PTPRD: variants seen among roughly 807,000 people sequenced by gnomAD.
The protein encoded by PTPRD is receptor-type tyrosine-protein phosphatase delta.
PTPRD carries 34 observed loss-of-function variants against 214.5 expected under a neutral mutation model. The ratio of observed to expected loss-of-function variants is 0.16; its 90% CI spans 0.12 to 0.21. PTPRD has a LOEUF of 0.21. PTPRD is among the 10% of genes least tolerant of loss of function. PTPRD has a pLI of 1.00. For missense variants in PTPRD, 2,545 were observed against 2,398.7 expected, an observed-to-expected ratio of 1.06 and a Z score of -1.27; for synonymous variants, 1,128 against 845.7, an observed-to-expected ratio of 1.33 and a Z score of -5.79.
In PTPRD at chr9:8,626,389, G is replaced by A. The variant is rs144771306; in HGVS notation, c.352+6928C>T. ...TTTATCTCCTTAGCCAATGAGTCAC[G>A]TCCCAACCTCATTTTCTTTTACTAC... is the stretch of plus-strand genomic sequence containing the variant. On this transcript the variant is annotated intron_variant, in intron 14 of 45. Transcript: ENST00000381196. Among the ~76,000 whole-genome samples the A allele has an allele frequency of 2.9e-3, 435 of 151,776 alleles. 5 individuals are homozygous for A. Among genetic ancestry groups the A allele is most frequent in the Admixed American group, 0.025 (382 of 15,224 alleles).
chr9:9,880,731 T>A (rs2068409583), intron 5 of PTPRD, among the ~76,000 whole-genome samples: 1 of 152,154 alleles, frequency 6.6e-6, no homozygotes, highest in African/African-American at 2.4e-5. Context: ...AAAGATCTTT[T>A]TAAGCAGATG....
At chr9:9,820,753 G>A (rs1315461731) in intron 5 of PTPRD, among the ~76,000 whole-genome samples, 3 of 152,040 alleles carry the variant, frequency 2.0e-5, no homozygotes, top group East Asian at 1.9e-4. Context: ...CTTCCCCATT[G>A]CTTATTTTTG....
At chr9:9,647,219 T>A (rs997402955) in intron 7 of PTPRD, among the ~76,000 whole-genome samples, 1 of 152,200 alleles carries the variant, frequency 6.6e-6, no homozygotes, top group African/African-American at 2.4e-5. Context: ...TTCTCAAATG[T>A]GCCAGTTGTT....
intron 11 of PTPRD, among the ~76,000 whole-genome samples, chr9:8,918,350 C>T (rs751662570): frequency 6.6e-6 from 1 of 152,114 alleles, no homozygotes; most frequent in African/African-American, 2.4e-5. Context: ...TGGAAGTACA[C>T]AATGAATTGT....
intron 9 of PTPRD, among the ~76,000 whole-genome samples, chr9:9,235,200 T>C (rs4742569): frequency 0.2 from 31,018 of 151,970 alleles, 3,798 homozygotes; most frequent in Middle Eastern, 0.33. Context: ...TCATATCTTA[T>C]GCAAACCCAG....
intron 7 of PTPRD, among the ~76,000 whole-genome samples, chr9:9,727,623 A>G (rs1014193007): frequency 6.6e-6 from 1 of 152,178 alleles, no homozygotes; most frequent in Non-Finnish European, 1.5e-5. Flanking sequence ...TAACAAATGC[A>G]TAAGTCCTAT....
At chr9:8,775,715 G>A (rs1243078975) in intron 11 of PTPRD, among the ~76,000 whole-genome samples, 1 of 152,134 alleles carries the variant, frequency 6.6e-6, no homozygotes, top group Non-Finnish European at 1.5e-5. Flanking sequence ...TGGGCATGGT[G>A]GCTCACACCT....
At chr9:9,323,341 A>G (rs535843458) in intron 9 of PTPRD, among the ~76,000 whole-genome samples, 88 of 152,290 alleles carry the variant, frequency 5.8e-4, no homozygotes, top group African/African-American at 2.0e-3. Flanking sequence ...TTTACTTATC[A>G]TCTAATTTTA....
chr9:8,668,419 G>A (rs1158519729), intron 12 of PTPRD, among the ~76,000 whole-genome samples: 1 of 152,204 alleles, frequency 6.6e-6, no homozygotes, highest in Non-Finnish European at 1.5e-5. Flanking sequence ...AGACACATAT[G>A]TTCACCACAG....
At chr9:10,026,348 A>AGTCTC (rs2096923344) in intron 4 of PTPRD, among the ~76,000 whole-genome samples, 1 of 152,174 alleles carries the variant, frequency 6.6e-6, no homozygotes, top group African/African-American at 2.4e-5. Context: ...AGAGAAGAGA[A>AGTCTC]GTCTCAACAT....
intron 12 of PTPRD, among the ~76,000 whole-genome samples, chr9:8,673,254 G>C (rs1429607288): frequency 3.3e-5 from 5 of 152,008 alleles, no homozygotes; most frequent in Non-Finnish European, 7.4e-5. Context: ...TGAAACGTAA[G>C]TAGAAATTGC....
intron 5 of PTPRD, among the ~76,000 whole-genome samples, chr9:9,781,532 T>C (rs2761727): frequency 0.5 from 76,145 of 151,946 alleles, 20,216 homozygotes; most frequent in East Asian, 0.72. Context: ...CTAATTGAAG[T>C]ATCAGGTGTG....
chr9:8,910,578 A>C (rs78091344), intron 11 of PTPRD, among the ~76,000 whole-genome samples: 2 of 152,070 alleles, frequency 1.3e-5, no homozygotes, highest in Non-Finnish European at 2.9e-5. Flanking sequence ...ACTCTGCAGG[A>C]GGTCCCCACC....
intron 3 of PTPRD, among the ~76,000 whole-genome samples, chr9:10,308,485 T>C (rs1056475195): frequency 2.0e-5 from 3 of 152,126 alleles, no homozygotes; most frequent in Non-Finnish European, 4.4e-5. Flanking sequence ...TATTTTGAAG[T>C]TAAATAGTGT....
intron 5 of PTPRD, among the ~76,000 whole-genome samples, chr9:9,859,160 G>T (rs1252123716): frequency 6.6e-6 from 1 of 152,170 alleles, no homozygotes; most frequent in Non-Finnish European, 1.5e-5. Context: ...TTGTGAAGAA[G>T]GTACCTGCTT....
At chr9:9,468,582 T>G (rs2094380624) in intron 8 of PTPRD, among the ~76,000 whole-genome samples, 1 of 152,108 alleles carries the variant, frequency 6.6e-6, no homozygotes, top group Non-Finnish European at 1.5e-5. Context: ...TTCAATGTCT[T>G]TATTTCATAA....
intron 3 of PTPRD, among the ~76,000 whole-genome samples, chr9:10,176,452 A>AT (rs752030902): frequency 1.5e-4 from 23 of 151,972 alleles, no homozygotes; most frequent in Non-Finnish European, 3.1e-4. Context: ...AAAAAGCAAC[A>AT]TTTTGACCTA....
intron 9 of PTPRD, among the ~76,000 whole-genome samples, chr9:9,189,060 G>C (rs1278158225): frequency 6.6e-6 from 1 of 151,928 alleles, no homozygotes; most frequent in African/African-American, 2.4e-5. Flanking sequence ...AATCCATTTT[G>C]AACATGGTAT....
At chr9:9,108,529 T>C (rs2099801880) in intron 10 of PTPRD, among the ~76,000 whole-genome samples, 1 of 152,170 alleles carries the variant, frequency 6.6e-6, no homozygotes, top group African/African-American at 2.4e-5. Context: ...GACTCTCCTC[T>C]ATGTAGTGAC....
Sources: gnomAD v4.1 joint callset for allele counts (sites outside exome capture counted in the v4.1 genomes callset) on GRCh38, gnomAD v4.1.1 for gene constraint, MANE v1.5 for transcripts, NCBI Gene and HGNC (gene_info 2026-07-23, HGNC 2026-07-21) for gene names.